Variants in DCC observed in about 807,000 individuals in gnomAD.
The protein encoded by DCC is DCC netrin 1 receptor, also known as netrin receptor DCC.
Under a neutral mutation model 172.5 loss-of-function variants are expected in DCC, and 58 were observed. That is an observed-to-expected ratio of 0.34 (90% confidence interval 0.27 to 0.42). The LOEUF is 0.42. DCC is among the 10% of genes least tolerant of loss of function. The pLI, the probability that DCC is intolerant of heterozygous loss-of-function variation, is 1.00. For synonymous variants in DCC, 709 were observed against 644.5 expected, an observed-to-expected ratio of 1.10 and a Z score of -1.52; for missense variants, 1,740 against 1,791.0, an observed-to-expected ratio of 0.97 and a Z score of 0.51.
chr18:52,897,116 G>T (rs1164850814), intron 2 of DCC, among the ~76,000 whole-genome samples: 1 of 152,154 alleles, frequency 6.6e-6, no homozygotes, highest in African/African-American at 2.4e-5. Context: ...CTTGGTCATG[G>T]GGATTATAGG....
intron 1 of DCC, among the ~76,000 whole-genome samples, chr18:52,372,043 G>A (rs1172342998): frequency 2.0e-5 from 3 of 152,198 alleles, no homozygotes; most frequent in African/African-American, 7.2e-5. Flanking sequence ...GTGAAGAAGG[G>A]AATGGAAAAA....
At chr18:52,509,654 G>C (rs1275140800) in intron 1 of DCC, among the ~76,000 whole-genome samples, 1 of 152,106 alleles carries the variant, frequency 6.6e-6, no homozygotes, top group African/African-American at 2.4e-5. Flanking sequence ...TCTCCTATCT[G>C]CACTGACTGT....
chr18:53,340,524 TACTCA>T (rs2057647008), intron 15 of DCC, among the ~76,000 whole-genome samples: 1 of 152,194 alleles, frequency 6.6e-6, no homozygotes, highest in Non-Finnish European at 1.5e-5. Flanking sequence ...TCTCTTATTG[TACTCA>T]ACTCAACCTC....
intron 2 of DCC, among the ~76,000 whole-genome samples, chr18:52,861,056 A>G (rs763101776): frequency 8.6e-5 from 13 of 151,628 alleles, no homozygotes; most frequent in Admixed American, 2.0e-4. Flanking sequence ...TGACTTTTTC[A>G]TAACAAATCT....
At chr18:52,807,851 G>A (rs2038117040) in intron 2 of DCC, among the ~76,000 whole-genome samples, 1 of 151,998 alleles carries the variant, frequency 6.6e-6, no homozygotes, top group South Asian at 2.1e-4. Context: ...TATGAGGGAG[G>A]GATCATCCAA....
At chr18:52,916,783 ATGTT>A (rs920354294) in intron 3 of DCC, among the ~76,000 whole-genome samples, 24 of 152,268 alleles carry the variant, frequency 1.6e-4, no homozygotes, top group African/African-American at 3.1e-4. Context: ...TTCCAACTAC[ATGTT>A]TGTTTGAGAT....
At chr18:52,698,627 C>T (rs545717235) in intron 1 of DCC, among the ~76,000 whole-genome samples, 1 of 152,106 alleles carries the variant, frequency 6.6e-6, no homozygotes, top group Admixed American at 6.5e-5. Context: ...GAGTCTCACT[C>T]TGTCACTCAG....
At chr18:52,538,774 T>C (rs997068546) in intron 1 of DCC, among the ~76,000 whole-genome samples, 1 of 152,238 alleles carries the variant, frequency 6.6e-6, no homozygotes, top group East Asian at 1.9e-4. Flanking sequence ...CATGTTTTTT[T>C]TTCTTTTAAC....
intron 1 of DCC, among the ~76,000 whole-genome samples, chr18:52,646,465 T>C (rs1424770015): frequency 6.6e-6 from 1 of 152,028 alleles, no homozygotes; most frequent in Non-Finnish European, 1.5e-5. Context: ...TCCCACAGGG[T>C]AAGGGTTTGG....
chr18:53,135,328 T>C (rs980568011), intron 7 of DCC, among the ~76,000 whole-genome samples: 3 of 152,060 alleles, frequency 2.0e-5, no homozygotes, highest in Non-Finnish European at 4.4e-5. Context: ...AATAAGAGCA[T>C]GGGAAATCAG....
At chr18:53,334,746 C>T (rs547938673) in intron 14 of DCC, among the ~76,000 whole-genome samples, 74 of 152,264 alleles carry the variant, frequency 4.9e-4, no homozygotes, top group African/African-American at 1.6e-3. Context: ...CATCTTGTAG[C>T]GTGTCTCAAA....
At chr18:53,273,369 A>G (rs540389774) in intron 12 of DCC, among the ~76,000 whole-genome samples, 1 of 152,222 alleles carries the variant, frequency 6.6e-6, no homozygotes, top group East Asian at 1.9e-4. Flanking sequence ...AAATGACCTG[A>G]TTCATCATGA....
intron 1 of DCC, among the ~76,000 whole-genome samples, chr18:52,693,103 C>T (rs184068328): frequency 9.9e-5 from 15 of 151,742 alleles, no homozygotes; most frequent in Non-Finnish European, 2.1e-4. Context: ...GATTTCTTAA[C>T]GTTAGGGAAG....
intron 2 of DCC, among the ~76,000 whole-genome samples, chr18:52,785,577 G>A (rs1321056598): frequency 6.6e-6 from 1 of 151,996 alleles, no homozygotes; most frequent in Non-Finnish European, 1.5e-5. Flanking sequence ...CAATCTAAGG[G>A]TCCTCAGAAG....
rs544332528 is a variant in DCC, at chr18:53,051,886, C to T, written c.986-11419C>T. 3.0e-4 allele frequency among the ~76,000 whole-genome samples: 45 copies of T among 152,136 alleles called. No individual in the cohort carries two copies. In the South Asian group the frequency reaches 9.1e-3, roughly 31 times the overall value. ...GTCTTTCAATCTGAAAATTTATTTT[C>T]CCAGAAAAGTATCCTATTCTTTAAC... On this transcript the variant is annotated intron_variant, in intron 5 of 28. Coordinates refer to ENST00000442544, the MANE Select transcript of DCC (RefSeq NM_005215.4).
rs887456620 is a variant in DCC at position 52,702,095 on chromosome 18, A to G, written c.92-49959A>G. Among the ~76,000 whole-genome samples, 67 of 152,234 alleles carry G rather than the reference A, an allele frequency of 4.4e-4. 1 individual carries two copies. Among genetic ancestry groups the G allele is most frequent in the Non-Finnish European group, 1.5e-5 (1 of 68,044 alleles). On this transcript the variant is annotated intron_variant, in intron 1 of 28. Transcript: ENST00000442544. ...TGTCTTGCTGCCTTTCAAGACACAGACATGGCTTGTTTTCATGATATACAA... is the reference window on the plus strand; with the variant it reads ...TGTCTTGCTGCCTTTCAAGACACAGGCATGGCTTGTTTTCATGATATACAA...
chr18:52,504,557 A>T (rs12964792), intron 1 of DCC, among the ~76,000 whole-genome samples: 16,922 of 152,176 alleles, frequency 0.11, 1,154 homozygotes, highest in South Asian at 0.27. Context: ...TTAGAGTCAT[A>T]TTGGCTTGGT....
chr18:53,471,081 A>G (rs2045690210), intron 25 of DCC, among the ~76,000 whole-genome samples: 1 of 152,194 alleles, frequency 6.6e-6, no homozygotes. Flanking sequence ...CCAAGCTACC[A>G]TCATCTCTTA....
At chr18:52,647,669 A>G (rs2035044369) in intron 1 of DCC, among the ~76,000 whole-genome samples, 1 of 152,244 alleles carries the variant, frequency 6.6e-6, no homozygotes, top group South Asian at 2.1e-4. Flanking sequence ...TGCTAAAAAT[A>G]TAAACATCAA....
Sources: allele counts gnomAD v4.1 joint callset (sites outside exome capture counted in the v4.1 genomes callset), GRCh38; gene constraint gnomAD v4.1.1; transcripts MANE v1.5; gene names NCBI Gene and HGNC (gene_info 2026-07-23, HGNC 2026-07-21).